Variants in TMEM164 observed in about 807,000 individuals in gnomAD.
TMEM164 encodes transmembrane protein 164, also known as RP13-360B22.2.
Under a neutral mutation model 18.8 loss-of-function variants are expected in TMEM164, and 4 were observed. The observed-to-expected ratio is 0.21, with a 90% confidence interval of 0.10 to 0.49. The LOEUF (loss-of-function observed/expected upper bound fraction) is 0.49, where lower values mean the gene tolerates loss of function less well. Ranked by LOEUF, TMEM164 falls within the 20% of genes least tolerant of loss-of-function variation. TMEM164 has a pLI of 0.98. For missense variants in TMEM164, 108 were observed against 239.9 expected (o/e 0.45, Z 3.63); for synonymous variants, 86 against 101.7 (o/e 0.85, Z 0.93).
intron 2 of TMEM164, among the ~76,000 whole-genome samples, chrX:110,035,450 C>G (rs1345986956): frequency 2.7e-5 from 3 of 109,625 alleles, no homozygotes; most frequent in African/African-American, 1.0e-4. Context: ...CTCTTAATGC[C>G]TATGTGGTAC....
intron 2 of TMEM164, among the ~76,000 whole-genome samples, chrX:110,017,452 C>T (rs201616415): frequency 0.038 from 557 of 14,675 alleles, 5 homozygotes; most frequent in Middle Eastern, 0.071. Flanking sequence ...CTTTCTCTCT[C>T]TCTCTCTCTC....
At chrX:110,138,628 C>T (rs1260519122) in intron 4 of TMEM164, among the ~76,000 whole-genome samples, 3 of 111,793 alleles carry the variant, frequency 2.7e-5, no homozygotes, top group Non-Finnish European at 3.8e-5. Flanking sequence ...GGGTGATGTG[C>T]GAGAATCCCA....
intron 2 of TMEM164, among the ~76,000 whole-genome samples, chrX:110,065,828 C>T (rs1198699203): frequency 5.4e-5 from 6 of 111,486 alleles, no homozygotes; most frequent in Non-Finnish European, 9.4e-5. Flanking sequence ...GAATATTCAC[C>T]GTAAGTGGAA....
intron 2 of TMEM164, among the ~76,000 whole-genome samples, chrX:110,043,963 T>G (rs1178887711): frequency 8.9e-6 from 1 of 112,355 alleles, no homozygotes; most frequent in Non-Finnish European, 1.9e-5. Context: ...AACAGCTACA[T>G]AATATCCCTT....
intron 4 of TMEM164, among the ~76,000 whole-genome samples, chrX:110,126,794 C>A (rs1329332977): frequency 1.1e-5 from 1 of 94,789 alleles, no homozygotes; most frequent in Non-Finnish European, 2.1e-5. Flanking sequence ...AGGTTTATTT[C>A]CTGGCTGGGC....
intron 2 of TMEM164, among the ~76,000 whole-genome samples, chrX:110,060,672 A>C (rs776583566): frequency 7.2e-5 from 8 of 111,845 alleles, no homozygotes; most frequent in Non-Finnish European, 1.5e-4. Flanking sequence ...AGGATCCTTA[A>C]TTGCATTTAG....
intron 3 of TMEM164, 139 bp downstream of exon 3, chrX:110,067,535 G>A (rs2065521095): frequency 1.8e-6 from 1 of 540,778 alleles, no homozygotes; most frequent in Non-Finnish European, 3.1e-6. Context: ...ATGAAGGTCT[G>A]TGAGGGCCTA....
intron 4 of TMEM164, among the ~76,000 whole-genome samples, chrX:110,134,732 G>A (rs1297311487): frequency 9.2e-6 from 1 of 109,134 alleles, no homozygotes; most frequent in Non-Finnish European, 1.9e-5. Flanking sequence ...GTAGGGTCTC[G>A]AGGGAAAAAT....
At chrX:110,112,327 G>A (rs978181171) in intron 4 of TMEM164, among the ~76,000 whole-genome samples, 2 of 111,220 alleles carry the variant, frequency 1.8e-5, no homozygotes, top group African/African-American at 3.3e-5. Context: ...GTGAGACTCC[G>A]CCTCCAAATA....
chrX:110,020,537 G>C, intron 2 of TMEM164: 3 of 754,477 alleles, frequency 4.0e-6, no homozygotes, highest in Non-Finnish European at 4.7e-6. Context: ...GCAGAAAGAA[G>C]ACTCTGACGG....
At chrX:110,085,515 A>G (rs1478652286) in intron 3 of TMEM164, among the ~76,000 whole-genome samples, 2 of 110,398 alleles carry the variant, frequency 1.8e-5, no homozygotes, top group African/African-American at 6.6e-5. Flanking sequence ...GTCTTTCATC[A>G]AATACAGGGT....
chrX:110,039,447 G>A (rs1934994896), intron 2 of TMEM164, among the ~76,000 whole-genome samples: 1 of 112,742 alleles, frequency 8.9e-6, no homozygotes, highest in African/African-American at 3.2e-5. Flanking sequence ...CTCGAGAGCG[G>A]CCTTTGCCAA....
intron 6 of TMEM164, among the ~76,000 whole-genome samples, chrX:110,172,770 C>G (rs1309046546): frequency 8.9e-6 from 1 of 112,052 alleles, no homozygotes; most frequent in Non-Finnish European, 1.9e-5. Flanking sequence ...GAGGACTCAG[C>G]CCCCATATTG....
At chrX:110,072,489 T>G (rs1443581358) in intron 3 of TMEM164, among the ~76,000 whole-genome samples, 3 of 110,653 alleles carry the variant, frequency 2.7e-5, no homozygotes, top group African/African-American at 9.8e-5. Flanking sequence ...TATCCATTTC[T>G]TCTAAATTTT....
chrX:110,029,703 T>C (rs1934361520), intron 2 of TMEM164, among the ~76,000 whole-genome samples: 1 of 111,813 alleles, frequency 8.9e-6, no homozygotes, highest in African/African-American at 3.3e-5. Flanking sequence ...TGGGTGGGAA[T>C]GGAACTTTTC....
At chrX:110,038,662 C>T (rs1934957251) in intron 2 of TMEM164, among the ~76,000 whole-genome samples, 1 of 110,049 alleles carries the variant, frequency 9.1e-6, no homozygotes, top group Non-Finnish European at 1.9e-5. Context: ...CCTGGCATCA[C>T]CACTCCTCAC....
chrX:110,068,941 C>T (rs1197757835), intron 3 of TMEM164, among the ~76,000 whole-genome samples: 2 of 111,691 alleles, frequency 1.8e-5, no homozygotes, highest in African/African-American at 6.5e-5. Context: ...TTTCATTCTA[C>T]AATATCTCAT....
At chrX:110,118,351 T>G (rs186698848) in intron 4 of TMEM164, among the ~76,000 whole-genome samples, 454 of 112,060 alleles carry the variant, frequency 4.1e-3, no homozygotes, top group Admixed American at 8.4e-3. Context: ...GGACAGTGTC[T>G]TTTTTCTTTC....
At chrX:110,095,065 C>T (rs2065993348) in intron 3 of TMEM164, among the ~76,000 whole-genome samples, 1 of 112,328 alleles carries the variant, frequency 8.9e-6, no homozygotes, top group South Asian at 3.7e-4. Flanking sequence ...GTCTGATTGG[C>T]TTCCCTTTGT....
Sources: allele counts gnomAD v4.1 joint callset (sites outside exome capture counted in the v4.1 genomes callset), GRCh38; gene constraint gnomAD v4.1.1; transcripts MANE v1.5; gene names NCBI Gene and HGNC (gene_info 2026-07-23, HGNC 2026-07-21).